The following RGS21 variants were observed in gnomAD, a reference collection of about 807,000 sequenced individuals.
RGS21 encodes the protein regulator of G-protein signalling 21.
Under a neutral mutation model 18.7 loss-of-function variants are expected in RGS21, and 19 were observed. That is an observed-to-expected ratio of 1.01 (90% confidence interval 0.71 to 1.49). The LOEUF is 1.49. RGS21 is among the 40% of genes most tolerant of loss of function. The pLI is 0.00. For synonymous variants in RGS21, 56 were observed against 57.8 expected, an observed-to-expected ratio of 0.97 and a Z score of 0.14; for missense variants, 194 against 176.8, an observed-to-expected ratio of 1.10 and a Z score of -0.55.
chr1:192,344,705 T>G (rs1236667077), intron 2 of RGS21, among the ~76,000 whole-genome samples: 1 of 152,112 alleles, frequency 6.6e-6, no homozygotes, highest in Non-Finnish European at 1.5e-5. Flanking sequence ...TTCTGAAAAG[T>G]AAATGCTATG....
chr1:192,353,725 C>T (rs987937109), intron 4 of RGS21, among the ~76,000 whole-genome samples: 6 of 151,524 alleles, frequency 4.0e-5, no homozygotes, highest in Non-Finnish European at 7.4e-5. Flanking sequence ...ACCTTTTCTT[C>T]CAAAATTAAT....
chr1:192,335,545 T>C (rs927145286), intron 1 of RGS21, among the ~76,000 whole-genome samples: 5 of 152,212 alleles, frequency 3.3e-5, no homozygotes, highest in African/African-American at 1.2e-4. Context: ...CATATAGTGC[T>C]AGGCACTATA....
rs757914870 is a variant in RGS21, at chr1:192,347,340, G to A, written c.39G>A (p.Ala13=). ...GCTGTTTCTACAGGTCACCAACTGC[G>A]GAAACAATGACATGGTCTGAAAATA... ...VKCCFYRSPT[A]ETMTWSENMD... Residue 13 remains alanine (A), a synonymous_variant, in exon 3 of 5, where the codon GCG becomes GCA. Coordinates refer to ENST00000417209, the MANE Select transcript of RGS21 (RefSeq NM_001039152.3). 35 of 1,607,722 alleles carry A rather than the reference G, an allele frequency of 2.2e-5. No individual in the cohort carries two copies. The highest frequency in any genetic ancestry group is 4.5e-5 in the East Asian group (2 of 44,710).
intron 4 of RGS21, among the ~76,000 whole-genome samples, chr1:192,365,146 A>T (rs1370052235): frequency 6.6e-6 from 1 of 152,106 alleles, no homozygotes; most frequent in Non-Finnish European, 1.5e-5. Flanking sequence ...CAAAAAAAAA[A>T]AAAAAGCTCT....
chr1:192,356,128 C>A lies in RGS21; in HGVS notation c.255+3915C>A, dbSNP rs539345763. ...ACAAAGAAGAAATTATAGTCATAAACGAGAGTACATCTTCACGGGTCCGTG... is the reference window on the plus strand; with the variant it reads ...ACAAAGAAGAAATTATAGTCATAAAAGAGAGTACATCTTCACGGGTCCGTG... On this transcript the variant is annotated intron_variant, in intron 4 of 4. Coordinates refer to ENST00000417209, the MANE Select transcript of RGS21 (RefSeq NM_001039152.3). Among the ~76,000 whole-genome samples the A allele has an allele frequency of 2.0e-5, 3 of 151,718 alleles. No homozygotes were observed. In the South Asian group the frequency reaches 6.2e-4, roughly 31 times the overall value.
intron 1 of RGS21, among the ~76,000 whole-genome samples, chr1:192,320,427 A>G (rs1038215565): frequency 3.9e-5 from 6 of 152,110 alleles, no homozygotes; most frequent in African/African-American, 1.4e-4. Flanking sequence ...GAGGTTGAGA[A>G]TCAGAGCACC....
At chr1:192,317,643 C>A (rs1031722229) in intron 1 of RGS21, among the ~76,000 whole-genome samples, 1 of 151,858 alleles carries the variant, frequency 6.6e-6, no homozygotes, top group Non-Finnish European at 1.5e-5. Flanking sequence ...TATAATATTA[C>A]TATTTTTATG....
chr1:192,334,917 G>A (rs1658743289), intron 1 of RGS21, among the ~76,000 whole-genome samples: 1 of 152,014 alleles, frequency 6.6e-6, no homozygotes, highest in Admixed American at 6.6e-5. Flanking sequence ...TCATTACAAA[G>A]CTTGAAAGCC....
At chr1:192,356,756 T>C (rs1381602588) in intron 4 of RGS21, among the ~76,000 whole-genome samples, 3 of 151,804 alleles carry the variant, frequency 2.0e-5, no homozygotes, top group African/African-American at 7.2e-5. Flanking sequence ...TCGTATTTTT[T>C]CTTTGCATTT....
intron 1 of RGS21, among the ~76,000 whole-genome samples, chr1:192,331,875 A>G (rs1658663056): frequency 6.6e-6 from 1 of 152,050 alleles, no homozygotes; most frequent in South Asian, 2.1e-4. Flanking sequence ...GTAATATTAA[A>G]TGAATGAACA....
chr1:192,349,834 T>C (rs1038844996), intron 3 of RGS21, among the ~76,000 whole-genome samples: 2 of 152,172 alleles, frequency 1.3e-5, no homozygotes, highest in African/African-American at 4.8e-5. Context: ...GATCTCTAAC[T>C]TCCCATCTCT....
chr1:192,343,319 G>A (rs938327592), intron 2 of RGS21, among the ~76,000 whole-genome samples: 2 of 151,936 alleles, frequency 1.3e-5, no homozygotes, highest in South Asian at 2.1e-4. Flanking sequence ...TTTAAATTAT[G>A]AGATGAATTA....
chr1:192,359,655 G>GTATATATATA (rs10638712), intron 4 of RGS21, among the ~76,000 whole-genome samples: 3,598 of 124,146 alleles, frequency 0.029, 117 homozygotes, highest in East Asian at 0.093. Context: ...GTGTGTGTGT[G>GTATATATATA]TATATATATA....
chr1:192,359,418 G>A (rs1355519546), intron 4 of RGS21, among the ~76,000 whole-genome samples: 1 of 152,026 alleles, frequency 6.6e-6, no homozygotes, highest in Admixed American at 6.6e-5. Context: ...TTTCTAGAGT[G>A]TCACCTCCTG....
rs1343712227 is a variant in RGS21 at position 192,367,046 on chromosome 1, AT to A, written c.*923del. ...TCTATATGTAAATATCCTGTGATAAATACGAATAATTTCATTTCAATATGAG... is the reference window on the plus strand; with the variant it reads ...TCTATATGTAAATATCCTGTGATAAAACGAATAATTTCATTTCAATATGAG... On this transcript the variant is annotated 3_prime_UTR_variant, in exon 5 of 5. Transcript: ENST00000417209. The A allele has an allele frequency of 6.6e-6, 1 of 152,070 alleles. No homozygotes were observed. The highest frequency in any genetic ancestry group is 6.6e-5 in the Admixed American group (1 of 15,232). The allele number at this position is 152,070 out of a possible 1,614,324, so 9.4% of individuals were successfully genotyped here.
chr1:192,339,842 T>C (rs1438204772), intron 1 of RGS21, among the ~76,000 whole-genome samples: 1 of 152,130 alleles, frequency 6.6e-6, no homozygotes, highest in Non-Finnish European at 1.5e-5. Context: ...TGAGTATAAT[T>C]TGTGTCATGA....
At chr1:192,346,050 C>T (rs917822557) in intron 2 of RGS21, among the ~76,000 whole-genome samples, 1 of 151,864 alleles carries the variant, frequency 6.6e-6, no homozygotes, top group Non-Finnish European at 1.5e-5. Context: ...ATCTGTGTCC[C>T]CAAGATTTAG....
At chr1:192,339,119 T>C (rs1374966540) in intron 1 of RGS21, among the ~76,000 whole-genome samples, 1 of 152,072 alleles carries the variant, frequency 6.6e-6, no homozygotes, top group Non-Finnish European at 1.5e-5. Context: ...ATTTTAACTA[T>C]TATTGGTTAA....
chr1:192,356,138 T>A (rs1366056856), intron 4 of RGS21, among the ~76,000 whole-genome samples: 1 of 151,812 alleles, frequency 6.6e-6, no homozygotes, highest in Non-Finnish European at 1.5e-5. Flanking sequence ...CGAGAGTACA[T>A]CTTCACGGGT....
Sources: allele counts gnomAD v4.1 joint callset (sites outside exome capture counted in the v4.1 genomes callset), GRCh38; gene constraint gnomAD v4.1.1; transcripts MANE v1.5; gene names NCBI Gene and HGNC (gene_info 2026-07-23, HGNC 2026-07-21).